Variants in ADGRV1 observed in about 807,000 individuals in gnomAD.
ADGRV1 encodes adhesion G protein-coupled receptor V1.
ADGRV1 carries 359 observed loss-of-function variants against 596.2 expected under a neutral mutation model. That is an observed-to-expected ratio of 0.60 (90% confidence interval 0.55 to 0.66). ADGRV1 has a LOEUF of 0.66. ADGRV1 is among the 30% of genes least tolerant of loss of function. ADGRV1 has a pLI of 0.00. For synonymous variants in ADGRV1, 2,681 were observed against 2,679.2 expected, an observed-to-expected ratio of 1.00 and a Z score of -0.02; for missense variants, 7,274 against 7,575.6, an observed-to-expected ratio of 0.96 and a Z score of 1.48.
chr5:90,958,188 G>T (rs917618552), intron 83 of ADGRV1, among the ~76,000 whole-genome samples: 2 of 150,604 alleles, frequency 1.3e-5, no homozygotes, highest in African/African-American at 4.9e-5. Flanking sequence ...TGAGGCTGAG[G>T]TGGGAGGATT....
intron 85 of ADGRV1, among the ~76,000 whole-genome samples, chr5:91,028,742 T>TTTG (rs1784232510): frequency 6.7e-6 from 1 of 148,970 alleles, no homozygotes. Context: ...GTTTTTTTTT[T>TTTG]TTTTTTTTTT....
intron 65 of ADGRV1, 68 bp from the exon 66 acceptor site, chr5:90,783,056 A>G: frequency 7.7e-7 from 1 of 1,291,660 alleles, no homozygotes; most frequent in Non-Finnish European, 1.1e-6. Flanking sequence ...GCCAGGTTTA[A>G]TTTGGCTGAA....
intron 79 of ADGRV1, among the ~76,000 whole-genome samples, chr5:90,852,911 G>C (rs965964091): frequency 1.3e-5 from 2 of 152,168 alleles, no homozygotes; most frequent in African/African-American, 4.8e-5. Flanking sequence ...TAGCTCAGTG[G>C]GGGGACATGC....
chr5:91,100,989 G>A (rs1435859405), intron 86 of ADGRV1, among the ~76,000 whole-genome samples: 1 of 152,044 alleles, frequency 6.6e-6, no homozygotes, highest in South Asian at 2.1e-4. Flanking sequence ...AAGAATCTAC[G>A]AAGACGTGTC....
intron 85 of ADGRV1, among the ~76,000 whole-genome samples, chr5:91,015,207 TCTTGA>T (rs1238162995): frequency 6.6e-6 from 1 of 152,132 alleles, no homozygotes; most frequent in East Asian, 1.9e-4. Context: ...ATTGTCTTAG[TCTTGA>T]CTTCTGTTTT....
Position 90,720,142 on chromosome 5 carries a change from G to A in ADGRV1, c.9542G>A (p.Gly3181Glu). ...AATCCAACTGGAGGTGCTAGACTAG[G>A]GGTGCATGTTCAAACCCTGATAACA... is the stretch of plus-strand genomic sequence containing the variant. ...LFNPTGGARLGVHVQTLITVL... is the reference protein window; with the variant it reads ...LFNPTGGARLEVHVQTLITVL... Residue 3181 changes from glycine (G) to glutamate (E), a missense_variant, in exon 44 of 90, where the codon GGG (glycine) becomes GAG (glutamate). Coordinates refer to ENST00000405460, the MANE Select transcript of ADGRV1 (RefSeq NM_032119.4). 1.2e-6 allele frequency: 2 copies of A among 1,613,374 alleles called. No homozygotes were observed. The highest frequency in any genetic ancestry group is 3.3e-4 in the Middle Eastern group (2 of 6,060).
At chr5:91,113,783 C>T (rs1471822069) in intron 87 of ADGRV1, among the ~76,000 whole-genome samples, 1 of 151,854 alleles carries the variant, frequency 6.6e-6, no homozygotes, top group Non-Finnish European at 1.5e-5. Flanking sequence ...ACTAGGCATG[C>T]TGGCATGTGC....
At chr5:90,839,375 C>T (rs747796973) in intron 77 of ADGRV1, among the ~76,000 whole-genome samples, 6 of 151,984 alleles carry the variant, frequency 3.9e-5, no homozygotes, top group Non-Finnish European at 4.4e-5. Context: ...CCACCATGCC[C>T]GGCTAATTTT....
intron 29 of ADGRV1, among the ~76,000 whole-genome samples, chr5:90,688,967 C>A (rs962805738): frequency 1.3e-5 from 2 of 152,272 alleles, no homozygotes; most frequent in African/African-American, 4.8e-5. Flanking sequence ...AAAATGACTT[C>A]ATTGCCAGAT....
intron 83 of ADGRV1, among the ~76,000 whole-genome samples, chr5:90,925,597 T>C (rs1323301993): frequency 1.3e-5 from 2 of 151,792 alleles, no homozygotes. Flanking sequence ...TTTGACTTCC[T>C]CTTTTCCTAA....
In ADGRV1 at chr5:91,079,691, G is replaced by A. The variant is rs115072189; in HGVS notation, c.18310+7087G>A. 5.1e-3 allele frequency among the ~76,000 whole-genome samples: 776 copies of A among 152,252 alleles called. 6 individuals are homozygous for A. The highest frequency in any genetic ancestry group is 0.018 in the African/African-American group (748 of 41,546). On this transcript the variant is annotated intron_variant, in intron 86 of 89. Transcript: ENST00000405460. ...AGGGGCTGACCACTTGTGGCAGACCGGGCCTTTCTAGAACTCAGGTTTCCT... is the reference window on the plus strand; with the variant it reads ...AGGGGCTGACCACTTGTGGCAGACCAGGCCTTTCTAGAACTCAGGTTTCCT...
chr5:90,688,489 G>A (rs981008243), intron 29 of ADGRV1, among the ~76,000 whole-genome samples: 13 of 152,116 alleles, frequency 8.5e-5, no homozygotes, highest in Admixed American at 8.5e-4. Context: ...CCGGGTAGCT[G>A]GGACTACAAG....
chr5:90,975,055 C>T lies in ADGRV1; in HGVS notation c.17973+9524C>T, dbSNP rs910837924. Among the ~76,000 whole-genome samples the T allele has an allele frequency of 3.3e-5, 5 of 152,260 alleles. No homozygotes were observed. The South Asian group carries it at 8.3e-4, about 25-fold the overall frequency. ...AGTGGGCGAAGGATATGAACAGACA[C>T]TTCTCAAAATAAGACATTTATGCAG... On this transcript the variant is annotated intron_variant, in intron 84 of 89. Transcript: ENST00000405460.
In ADGRV1 at chr5:90,851,134, T is replaced by TGTGTGTGTGTGTGTGAGA. The variant is rs757909771; in HGVS notation, c.17205-2149_17205-2148insTGTGTGTGTGTGTGAGAG. ...GTGTGTGTGTGTGTGTGTGTGTGTG[T>TGTGTGTGTGTGTGTGAGA]GAGAGAGAGAGAGAGAGAGAGAGAG... On this transcript the variant is annotated intron_variant, in intron 79 of 89. Transcript: ENST00000405460. 7.2e-4 allele frequency among the ~76,000 whole-genome samples: 59 copies of TGTGTGTGTGTGTGTGAGA among 81,504 alleles called. 1 individual carries two copies. The highest frequency in any genetic ancestry group is 1.1e-3 in the Non-Finnish European group (43 of 37,944). 53.5% of individuals were successfully genotyped at this position (81,504 alleles called of 152,430 possible). A position where few individuals can be genotyped will look rare whatever the true frequency, so the allele number is the denominator to read the frequency against.
At chr5:90,618,923 A>G (rs1016051929) in intron 3 of ADGRV1, among the ~76,000 whole-genome samples, 163 bp from the exon 4 acceptor site, 2 of 152,030 alleles carry the variant, frequency 1.3e-5, no homozygotes, top group Non-Finnish European at 2.9e-5. Flanking sequence ...CTTCTTAACC[A>G]TATTGATGTA....
intron 83 of ADGRV1, among the ~76,000 whole-genome samples, chr5:90,949,194 C>A (rs1776855654): frequency 6.6e-6 from 1 of 152,062 alleles, no homozygotes; most frequent in Admixed American, 6.5e-5. Flanking sequence ...GATGATGATG[C>A]AAGTATACAT....
At chr5:91,105,540 AGAT>A (rs1791786381) in intron 87 of ADGRV1, among the ~76,000 whole-genome samples, 1 of 152,186 alleles carries the variant, frequency 6.6e-6, no homozygotes, top group Non-Finnish European at 1.5e-5. Context: ...AACTGGGGTG[AGAT>A]GATAATTCAC....
intron 20 of ADGRV1, among the ~76,000 whole-genome samples, chr5:90,657,166 C>T (rs1434409324): frequency 1.3e-5 from 2 of 150,864 alleles, no homozygotes. Context: ...AATTGCGCCT[C>T]AAGCGATCCT....
intron 1 of ADGRV1, among the ~76,000 whole-genome samples, chr5:90,566,156 G>A (rs1179957108): frequency 7.9e-5 from 12 of 151,964 alleles, no homozygotes; most frequent in Non-Finnish European, 1.8e-4. Context: ...GAAGCAAAAT[G>A]TCTTTAATTT....
Sources: gnomAD v4.1 joint callset for allele counts (sites outside exome capture counted in the v4.1 genomes callset) on GRCh38, gnomAD v4.1.1 for gene constraint, MANE v1.5 for transcripts, NCBI Gene and HGNC (gene_info 2026-07-23, HGNC 2026-07-21) for gene names.